The following CCSER1 variants were observed in gnomAD, a reference collection of about 807,000 sequenced individuals.
The protein encoded by CCSER1 is serine-rich coiled-coil domain-containing protein 1.
In CCSER1, 41 loss-of-function variants were observed where a neutral mutation model predicts 82.0. That is an observed-to-expected ratio of 0.50 (90% CI 0.39 to 0.65). The LOEUF is 0.65. Ranked by LOEUF, CCSER1 falls within the 30% of genes least tolerant of loss-of-function variation. The probability of loss-of-function intolerance (pLI) is 0.00; values close to 1 mark genes in which losing one functional copy is unlikely to be tolerated. For missense variants in CCSER1, 1,119 were observed against 1,064.2 expected (o/e 1.05, Z -0.72); for synonymous variants, 414 against 383.9 (o/e 1.08, Z -0.92).
At chr4:90,857,735 A>G (rs2149967814) in intron 8 of CCSER1, among the ~76,000 whole-genome samples, 1 of 152,194 alleles carries the variant, frequency 6.6e-6, no homozygotes, top group Middle Eastern at 3.4e-3. Context: ...ATGAAGAACA[A>G]CAGGAGAAAT....
At chr4:90,414,769 C>A (rs553997615) in intron 4 of CCSER1, among the ~76,000 whole-genome samples, 1 of 151,896 alleles carries the variant, frequency 6.6e-6, no homozygotes, top group Non-Finnish European at 1.5e-5. Context: ...TATTCAAGGT[C>A]AATATTTCAA....
chr4:90,276,344 CTTTCTT>C, intron 1 of CCSER1, among the ~76,000 whole-genome samples: 1 of 116,170 alleles, frequency 8.6e-6, no homozygotes, highest in African/African-American at 3.9e-5. Flanking sequence ...TTTCTTCTTT[CTTTCTT>C]TTTTTTTTTT....
intron 8 of CCSER1, among the ~76,000 whole-genome samples, chr4:90,906,931 TTGTA>T: frequency 6.6e-6 from 1 of 152,224 alleles, no homozygotes; most frequent in East Asian, 1.9e-4. Context: ...GTGAATGTAT[TTGTA>T]TGTGTGCGTG....
intron 5 of CCSER1, among the ~76,000 whole-genome samples, chr4:90,549,639 G>A (rs1338326819): frequency 2.6e-5 from 4 of 152,096 alleles, no homozygotes; most frequent in Non-Finnish European, 4.4e-5. Context: ...TAGCAATAAG[G>A]TAAATTTGGA....
intron 5 of CCSER1, among the ~76,000 whole-genome samples, chr4:90,568,046 A>C (rs1002282270): frequency 1.3e-5 from 2 of 152,206 alleles, no homozygotes; most frequent in African/African-American, 4.8e-5. Flanking sequence ...GTGTCATCAG[A>C]AAATATATTT....
At chr4:90,634,773 C>A (rs1019838060) in intron 6 of CCSER1, among the ~76,000 whole-genome samples, 2 of 151,804 alleles carry the variant, frequency 1.3e-5, no homozygotes, top group Admixed American at 1.3e-4. Context: ...AATCAGAATT[C>A]TCTTTATACT....
At chr4:90,488,543 A>C (rs1767490061) in intron 5 of CCSER1, among the ~76,000 whole-genome samples, 1 of 152,214 alleles carries the variant, frequency 6.6e-6, no homozygotes, top group African/African-American at 2.4e-5. Context: ...ATCTAAAGAT[A>C]ATATGTATTA....
intron 10 of CCSER1, among the ~76,000 whole-genome samples, chr4:91,307,140 A>G (rs1349734764): frequency 6.6e-6 from 1 of 151,934 alleles, no homozygotes; most frequent in Admixed American, 6.6e-5. Flanking sequence ...TGATTTTTGA[A>G]AGAGTTGTGG....
At chr4:90,985,310 C>T (rs966011162) in intron 9 of CCSER1, among the ~76,000 whole-genome samples, 1 of 151,278 alleles carries the variant, frequency 6.6e-6, no homozygotes, top group Non-Finnish European at 1.5e-5. Flanking sequence ...AAGTGATAGG[C>T]TTTTATTCCT....
intron 10 of CCSER1, among the ~76,000 whole-genome samples, chr4:91,552,809 T>C (rs982386690): frequency 6.6e-6 from 1 of 151,598 alleles, no homozygotes; most frequent in Non-Finnish European, 1.5e-5. Context: ...TATATTAGAT[T>C]CTATCATCTA....
chr4:90,558,066 A>G (rs189703417), intron 5 of CCSER1, among the ~76,000 whole-genome samples: 3 of 152,310 alleles, frequency 2.0e-5, no homozygotes, highest in African/African-American at 7.2e-5. Context: ...ATATGCAACT[A>G]AGAAGGTTTG....
chr4:90,345,337 T>G (rs1379187335), intron 3 of CCSER1, among the ~76,000 whole-genome samples: 1 of 152,072 alleles, frequency 6.6e-6, no homozygotes, highest in Non-Finnish European at 1.5e-5. Context: ...GCAGGTTTAT[T>G]ATTTTGGAAT....
intron 1 of CCSER1, among the ~76,000 whole-genome samples, chr4:90,136,169 A>T (rs1021115517): frequency 3.3e-5 from 5 of 152,140 alleles, no homozygotes; most frequent in Non-Finnish European, 5.9e-5. Flanking sequence ...CATTAGTGAA[A>T]TTTAGTACTG....
chr4:90,720,292 A>G (rs1352884286), intron 6 of CCSER1, among the ~76,000 whole-genome samples: 2 of 122,708 alleles, frequency 1.6e-5, no homozygotes, highest in Non-Finnish European at 3.5e-5. Context: ...TTTTTTAGAA[A>G]AAAAAAATTA....
intron 7 of CCSER1, among the ~76,000 whole-genome samples, chr4:90,733,868 G>C (rs1484633857): frequency 6.6e-6 from 1 of 151,872 alleles, no homozygotes; most frequent in Non-Finnish European, 1.5e-5. Context: ...TCTCTATTCT[G>C]TCCCATTGGT....
chr4:90,978,205 A>T (rs1735784374), intron 9 of CCSER1, among the ~76,000 whole-genome samples: 1 of 151,594 alleles, frequency 6.6e-6, no homozygotes, highest in South Asian at 2.1e-4. Context: ...CCAAGTTACT[A>T]CCTTGATATA....
At chr4:90,292,928 T>C (rs190182513) in intron 1 of CCSER1, among the ~76,000 whole-genome samples, 24 of 152,098 alleles carry the variant, frequency 1.6e-4, no homozygotes, top group Admixed American at 1.6e-3. Flanking sequence ...TATCCTAACA[T>C]GTATTCCGAT....
intron 4 of CCSER1, among the ~76,000 whole-genome samples, chr4:90,414,010 A>ATATATATATATATATATATATATC (rs1755420770): frequency 1.7e-5 from 2 of 115,280 alleles, no homozygotes; most frequent in Admixed American, 1.0e-4. Context: ...ATATATATAT[A>ATATATATATATATATATATATATC]TCTTCTTCCT....
chr4:90,837,167 A>G (rs1328955716), intron 8 of CCSER1, among the ~76,000 whole-genome samples: 1 of 152,162 alleles, frequency 6.6e-6, no homozygotes, highest in East Asian at 1.9e-4. Flanking sequence ...AAATGAAATA[A>G]TATGTTTTTC....
Sources: gnomAD v4.1 joint callset for allele counts (sites outside exome capture counted in the v4.1 genomes callset) on GRCh38, gnomAD v4.1.1 for gene constraint, MANE v1.5 for transcripts, NCBI Gene and HGNC (gene_info 2026-07-23, HGNC 2026-07-21) for gene names.